UBE4A: variants seen among roughly 807,000 people sequenced by gnomAD.
UBE4A encodes the protein ubiquitin conjugation factor E4 A.
In UBE4A, 48 loss-of-function variants were observed where a neutral mutation model predicts 117.9. That is an observed-to-expected ratio of 0.41 (90% CI 0.32 to 0.52). The LOEUF is 0.52. Among genes scored for constraint, UBE4A ranks in the 20% least tolerant of loss-of-function variants. The pLI is 0.33. For missense variants in UBE4A, 1,067 were observed against 1,296.3 expected (o/e 0.82, Z 2.72); for synonymous variants, 407 against 450.0 (o/e 0.90, Z 1.21).
chr11:118,376,878 C>T (rs1488473481), intron 10 of UBE4A, among the ~76,000 whole-genome samples, 184 bp downstream of exon 10: 2 of 151,804 alleles, frequency 1.3e-5, no homozygotes, highest in African/African-American at 4.8e-5. Context: ...GAAAGTGAGA[C>T]CCCCATCTCT....
chr11:118,371,186 A>T (rs564285369), intron 4 of UBE4A, among the ~76,000 whole-genome samples: 1 of 152,342 alleles, frequency 6.6e-6, no homozygotes, highest in South Asian at 2.1e-4. Flanking sequence ...TATAAGTCTG[A>T]ATGAGATCAG....
chr11:118,367,262 G>A lies in UBE4A; in HGVS notation c.122-1369G>A, dbSNP rs566651233. Among the ~76,000 whole-genome samples the A allele has an allele frequency of 2.0e-5, 3 of 147,478 alleles. No homozygotes were observed. In the East Asian group the frequency reaches 6.0e-4, roughly 30 times the overall value. On this transcript the variant is annotated intron_variant, in intron 2 of 19. Transcript: ENST00000252108. The stretch of plus-strand genomic sequence containing the variant: ...ACAGAAGTTTAAAAAAAAAAAAATC[G>A]AAGGAATTTCATCAATAAGAAAAAA...
At position 118,386,567 on chromosome 11, in the gene UBE4A, A is replaced by T; in HGVS notation, c.2542A>T (p.Ile848Phe). The T allele has an allele frequency of 1.3e-6, 2 of 1,596,648 alleles. No homozygotes were observed. Among genetic ancestry groups the T allele is most frequent in the East Asian group, 4.6e-5 (2 of 43,426 alleles). ...TGGACAGCTGGCACGTTTCCATAAC[A>T]TCATGTCCAATGAAACAATCGGTAC... The part of the protein sequence containing the change: ...MFGQLARFHN[I>F]MSNETIGTLA... Residue 848 changes from isoleucine to phenylalanine, a missense_variant, in exon 16 of 20, where the codon ATC becomes TTC. Transcript: ENST00000252108.
chr11:118,370,144 C>T (rs999363534), intron 4 of UBE4A, among the ~76,000 whole-genome samples: 5 of 151,972 alleles, frequency 3.3e-5, no homozygotes, highest in African/African-American at 1.2e-4. Flanking sequence ...GTTGTTACTC[C>T]CTCCTCTGGG....
intron 19 of UBE4A, among the ~76,000 whole-genome samples, chr11:118,393,382 A>G (rs1253028920): frequency 6.6e-6 from 1 of 152,096 alleles, no homozygotes; most frequent in Non-Finnish European, 1.5e-5. Context: ...GCACCACTGC[A>G]CTCCAGCCTG....
chr11:118,381,247 G>C, intron 11 of UBE4A, 144 bp from the exon 12 acceptor site: 1 of 929,574 alleles, frequency 1.1e-6, no homozygotes, highest in Non-Finnish European at 1.6e-6. Context: ...TACATTTATT[G>C]ACTTAACGAC....
intron 11 of UBE4A, among the ~76,000 whole-genome samples, chr11:118,380,719 C>T (rs1367078457): frequency 7.2e-5 from 11 of 152,176 alleles, no homozygotes; most frequent in Non-Finnish European, 1.6e-4. Context: ...GAGGACTCTG[C>T]TAGGGCTGGA....
intron 2 of UBE4A, among the ~76,000 whole-genome samples, chr11:118,365,649 G>T (rs1184083926): frequency 6.6e-6 from 1 of 152,230 alleles, no homozygotes; most frequent in Non-Finnish European, 1.5e-5. Flanking sequence ...TTTTTGACCT[G>T]TAGGCAAATG....
Position 118,389,772 on chromosome 11 carries a change from T to G in UBE4A, c.2635T>G (p.Ser879Ala). ...VHPFLAERII[S>A]MLNYFLQHLV... ...TCCCTTCCTGGCTGAGCGCATCATCTCCATGTTGAACTACTTCCTGCAACA... is the reference window on the plus strand; with the variant it reads ...TCCCTTCCTGGCTGAGCGCATCATCGCCATGTTGAACTACTTCCTGCAACA... The change falls in exon 17 of 20, where the codon TCC becomes GCC. Residue 879 changes from serine (S) to alanine (A), a missense_variant. This residue lies in a region of UBE4A where 1,001 missense variants were observed against 1,184.0 expected (regional missense o/e 0.85). Coordinates refer to ENST00000252108, the MANE Select transcript of UBE4A (RefSeq NM_001204077.2). The G allele has an allele frequency of 6.2e-7, 1 of 1,613,840 alleles. No homozygotes were observed. The highest frequency in any genetic ancestry group is 1.3e-5 in the African/African-American group (1 of 75,040).
chr11:118,376,334 C>T (rs1031759456), intron 9 of UBE4A, among the ~76,000 whole-genome samples: 11 of 152,140 alleles, frequency 7.2e-5, no homozygotes, highest in Admixed American at 7.2e-4. Flanking sequence ...TGATCTATTG[C>T]CTATCACTTG....
At chr11:118,361,917 A>T (rs1002883096) in intron 1 of UBE4A, among the ~76,000 whole-genome samples, 6 of 152,252 alleles carry the variant, frequency 3.9e-5, no homozygotes, top group Admixed American at 2.6e-4. Flanking sequence ...ATAATCAGAT[A>T]TGAACATGTA....
intron 16 of UBE4A, among the ~76,000 whole-genome samples, chr11:118,389,237 G>C (rs1284345188): frequency 6.6e-6 from 1 of 152,174 alleles, no homozygotes; most frequent in Non-Finnish European, 1.5e-5. Flanking sequence ...GCCACATGTG[G>C]CTAGTGTGAC....
chr11:118,376,754 G>A (rs1948656113), intron 10 of UBE4A, 60 bp downstream of exon 10: 1 of 1,579,666 alleles, frequency 6.3e-7, no homozygotes, highest in Non-Finnish European at 8.6e-7. Context: ...CTAGAAGGTA[G>A]AAATTGAGTC....
intron 10 of UBE4A, among the ~76,000 whole-genome samples, chr11:118,377,852 G>A (rs569323905): frequency 1.1e-4 from 16 of 151,336 alleles, no homozygotes; most frequent in Non-Finnish European, 1.5e-4. Context: ...TGTTGAGACT[G>A]CAGTGAGCCG....
At position 118,382,473 on chromosome 11, in the gene UBE4A, C is replaced by T. The variant is rs1591303142; in HGVS notation, c.2010-116C>T. The T allele has an allele frequency of 5.6e-6, 4 of 714,042 alleles. No homozygotes were observed. In the East Asian group the frequency reaches 1.7e-4, roughly 31 times the overall value. 44.2% of individuals were successfully genotyped at this position (714,042 alleles called of 1,614,324 possible). On this transcript the variant is annotated intron_variant, in intron 12 of 19. Coordinates refer to ENST00000252108, the MANE Select transcript of UBE4A (RefSeq NM_001204077.2). ...CAAACTTAAAACTGCAGAAGTGGAT[C>T]CTTTTTTTTCCTGTAATATGGTTTA... is the stretch of plus-strand genomic sequence containing the variant.
chr11:118,370,131 A>C (rs1465979226), intron 4 of UBE4A, among the ~76,000 whole-genome samples: 1 of 152,002 alleles, frequency 6.6e-6, no homozygotes, highest in African/African-American at 2.4e-5. Flanking sequence ...TTGCCAAATA[A>C]AAGTTGTTAC....
chr11:118,373,010 G>T, intron 6 of UBE4A, 76 bp from the exon 7 acceptor site: 190 of 1,116,232 alleles, frequency 1.7e-4, no homozygotes, highest in Non-Finnish European at 2.2e-4. Context: ...AAGAATTATT[G>T]AAAGTAAAGA....
rs1247167121 is a variant in UBE4A at position 118,398,562 on chromosome 11, G to C, written c.*2122G>C. The C allele has an allele frequency of 6.6e-5, 10 of 152,510 alleles. No homozygotes were observed. The highest frequency in any genetic ancestry group is 2.4e-4 in the African/African-American group (10 of 41,412). 9.4% of individuals were successfully genotyped at this position (152,510 alleles called of 1,614,324 possible). ...TAAAAAGTTATCTTGGTACAACACC[G>C]TGTGTATATACACTTGGAAGCTTAA... On this transcript the variant is annotated 3_prime_UTR_variant, in exon 20 of 20. Transcript: ENST00000252108.
intron 15 of UBE4A, 54 bp from the exon 16 acceptor site, chr11:118,386,384 G>A (rs1339941115): frequency 8.4e-6 from 13 of 1,541,336 alleles, no homozygotes; most frequent in African/African-American, 1.4e-5. Context: ...TAAATGTCAC[G>A]TCCCTTCAAC....
Sources: allele counts gnomAD v4.1 joint callset (sites outside exome capture counted in the v4.1 genomes callset), GRCh38; gene constraint gnomAD v4.1.1; regional missense constraint gnomAD v4.1.1; transcripts MANE v1.5; gene names NCBI Gene and HGNC (gene_info 2026-07-23, HGNC 2026-07-21).